MECOM: variants seen among roughly 807,000 people sequenced by gnomAD.
MECOM encodes MDS1 and EVI1 complex locus, also known as histone-lysine N-methyltransferase MECOM.
MECOM carries 13 observed loss-of-function variants against 116.3 expected under a neutral mutation model. That is an observed-to-expected ratio of 0.11 (90% CI 0.07 to 0.18). MECOM has a LOEUF of 0.18. MECOM is among the 10% of genes least tolerant of loss of function. MECOM has a pLI of 1.00. For missense variants in MECOM, 1,299 were observed against 1,509.0 expected (o/e 0.86, Z 2.31); for synonymous variants, 528 against 535.2 (o/e 0.99, Z 0.19).
chr3:169,506,847 T>A (rs1489326798), intron 1 of MECOM, among the ~76,000 whole-genome samples: 1 of 152,242 alleles, frequency 6.6e-6, no homozygotes. Context: ...GGCTCATCTC[T>A]CTGCCTTTGA....
intron 1 of MECOM, among the ~76,000 whole-genome samples, chr3:169,485,973 C>CATATATACATAT (rs1752237682): frequency 1.9e-5 from 1 of 53,876 alleles, no homozygotes; most frequent in African/African-American, 7.1e-5. Flanking sequence ...ACTATATATA[C>CATATATACATAT]ATATATATAT....
intron 2 of MECOM, among the ~76,000 whole-genome samples, chr3:169,217,612 C>T (rs987859892): frequency 3.3e-5 from 5 of 151,752 alleles, no homozygotes; most frequent in African/African-American, 7.3e-5. Context: ...GGCAAAACCC[C>T]GTCGCCACTA....
At chr3:169,458,540 G>C (rs1191815673) in intron 1 of MECOM, among the ~76,000 whole-genome samples, 2 of 152,192 alleles carry the variant, frequency 1.3e-5, no homozygotes, top group East Asian at 3.8e-4. Context: ...AAGCCTTTTG[G>C]CCTAACGGAG....
intron 2 of MECOM, among the ~76,000 whole-genome samples, chr3:169,217,100 G>C (rs1040537504): frequency 8.5e-5 from 13 of 152,118 alleles, no homozygotes. Context: ...ATGATCCGCA[G>C]ATAGCCAGAG....
chr3:169,316,085 G>A (rs1719692325), intron 2 of MECOM, among the ~76,000 whole-genome samples: 2 of 152,306 alleles, frequency 1.3e-5, no homozygotes, highest in Non-Finnish European at 2.9e-5. Context: ...GAATACTAAT[G>A]CTTCTGTAAT....
chr3:169,357,313 T>C (rs1553819468), intron 2 of MECOM, among the ~76,000 whole-genome samples: 3 of 151,840 alleles, frequency 2.0e-5, no homozygotes, highest in Non-Finnish European at 2.9e-5. Flanking sequence ...GCATTTTTCC[T>C]AAAAGGGTCA....
chr3:169,200,114 CA>C (rs1251644006), intron 2 of MECOM, among the ~76,000 whole-genome samples: 2 of 152,032 alleles, frequency 1.3e-5, no homozygotes, highest in Non-Finnish European at 1.5e-5. Flanking sequence ...TTTCAAAGGT[CA>C]AAGACAGCAT....
intron 2 of MECOM, among the ~76,000 whole-genome samples, chr3:169,335,638 G>T (rs1723474398): frequency 6.6e-6 from 1 of 152,110 alleles, no homozygotes; most frequent in Non-Finnish European, 1.5e-5. Context: ...GAACCCCACA[G>T]TTGATAGGAC....
At chr3:169,194,368 G>A (rs1748129726) in intron 2 of MECOM, among the ~76,000 whole-genome samples, 1 of 152,018 alleles carries the variant, frequency 6.6e-6, no homozygotes, top group African/African-American at 2.4e-5. Flanking sequence ...AATGTTAAAT[G>A]ATGGGTTAAT....
intron 1 of MECOM, among the ~76,000 whole-genome samples, chr3:169,637,547 A>G (rs929947972): frequency 9.9e-5 from 15 of 152,212 alleles, no homozygotes; most frequent in African/African-American, 3.4e-4. Flanking sequence ...GGATGACTCA[A>G]AACTCTGAAA....
chr3:169,123,655 C>G (rs1399566743), intron 5 of MECOM, among the ~76,000 whole-genome samples: 2 of 151,956 alleles, frequency 1.3e-5, no homozygotes, highest in East Asian at 3.9e-4. Context: ...AATAAAGTAA[C>G]CAGAGCTCCG....
chr3:169,194,881 C>T (rs1304227006), intron 2 of MECOM, among the ~76,000 whole-genome samples: 1 of 152,018 alleles, frequency 6.6e-6, no homozygotes, highest in Non-Finnish European at 1.5e-5. Flanking sequence ...AAATATTGTG[C>T]TATCATTTGA....
chr3:169,136,821 T>G (rs1051650247), intron 3 of MECOM, among the ~76,000 whole-genome samples: 5 of 152,118 alleles, frequency 3.3e-5, no homozygotes, highest in African/African-American at 1.2e-4. Context: ...TTTAAAAAGA[T>G]GAACAAGGCT....
At chr3:169,536,294 A>G (rs1310379835) in intron 1 of MECOM, among the ~76,000 whole-genome samples, 2 of 150,678 alleles carry the variant, frequency 1.3e-5, no homozygotes, top group Non-Finnish European at 2.9e-5. Flanking sequence ...GATTAGGACC[A>G]TATCTGGTGT....
intron 1 of MECOM, among the ~76,000 whole-genome samples, chr3:169,473,297 G>A (rs1172885661): frequency 6.6e-6 from 1 of 151,958 alleles, no homozygotes; most frequent in Admixed American, 6.6e-5. Flanking sequence ...CTAATCCACA[G>A]GCTAGCCAAA....
chr3:169,399,487 C>A (rs1205382462), intron 1 of MECOM, among the ~76,000 whole-genome samples: 1 of 152,204 alleles, frequency 6.6e-6, no homozygotes. Context: ...AAACAATGAT[C>A]TCTTCCAATA....
At chr3:169,327,639 CAAAA>C (rs771134017) in intron 2 of MECOM, among the ~76,000 whole-genome samples, 1 of 69,542 alleles carries the variant, frequency 1.4e-5, no homozygotes, top group Non-Finnish European at 2.8e-5. Flanking sequence ...GACTGTGTCT[CAAAA>C]AAAAAAAAAA....
intron 1 of MECOM, among the ~76,000 whole-genome samples, chr3:169,556,453 C>T (rs1576860642): frequency 6.6e-6 from 1 of 152,158 alleles, no homozygotes; most frequent in East Asian, 1.9e-4. Context: ...AGCAGATCTT[C>T]ATAATATCTT....
chr3:169,291,532 T>C (rs1475268688), intron 2 of MECOM, among the ~76,000 whole-genome samples: 2 of 152,188 alleles, frequency 1.3e-5, no homozygotes, highest in East Asian at 3.8e-4. Context: ...AGTTTATATT[T>C]AGGAGAAGTG....
Sources: gnomAD v4.1 joint callset for allele counts (sites outside exome capture counted in the v4.1 genomes callset) on GRCh38, gnomAD v4.1.1 for gene constraint, MANE v1.5 for transcripts, NCBI Gene and HGNC (gene_info 2026-07-23, HGNC 2026-07-21) for gene names.